TSPAN15: variants seen among roughly 807,000 people sequenced by gnomAD.
TSPAN15 encodes tetraspanin-15.
A neutral mutation model predicts 34.5 loss-of-function variants in TSPAN15; 20 were observed. That is an observed-to-expected ratio of 0.58 (90% CI 0.41 to 0.84). TSPAN15 has a LOEUF of 0.84. Ranked by LOEUF, TSPAN15 falls within the 40% of genes least tolerant of loss-of-function variation. The pLI is 0.00. For synonymous variants in TSPAN15, 155 were observed against 153.9 expected, an observed-to-expected ratio of 1.01 and a Z score of -0.05; for missense variants, 313 against 386.1, an observed-to-expected ratio of 0.81 and a Z score of 1.59.
At chr10:69,518,040 A>G in the TSPAN15 span, among the ~76,000 whole-genome samples, 1 of 152,240 alleles carries the variant, frequency 6.6e-6, no homozygotes, top group Non-Finnish European at 1.5e-5. Context: ...CCTCAGTTCT[A>G]CATTGCATTG....
chr10:69,491,506 G>C (rs960247446), intron 3 of TSPAN15, among the ~76,000 whole-genome samples: 3 of 149,934 alleles, frequency 2.0e-5, no homozygotes, highest in Non-Finnish European at 4.4e-5. Flanking sequence ...GGGACTACAG[G>C]TGCATGCCAC....
chr10:69,467,684 G>A (rs1328966362), intron 1 of TSPAN15, among the ~76,000 whole-genome samples: 1 of 148,760 alleles, frequency 6.7e-6, no homozygotes, highest in Non-Finnish European at 1.5e-5. Context: ...ACCTCTTCTT[G>A]GAAAACAGAA....
Position 69,507,117 on chromosome 10 carries a change from G to A in TSPAN15, c.*139G>A. On this transcript the variant is annotated 3_prime_UTR_variant, in exon 8 of 8. Coordinates refer to ENST00000373290, the MANE Select transcript of TSPAN15 (RefSeq NM_012339.5). ...AAGCCAGGGCTGTGTGTGCCTGTGT[G>A]TAGGTCCCACGGCCTCTGCCTCCCC... 6.8e-7 allele frequency: 1 copy of A among 1,472,994 alleles called. No homozygotes were observed. The highest frequency in any genetic ancestry group is 9.0e-7 in the Non-Finnish European group (1 of 1,115,888). 91.2% of individuals were successfully genotyped at this position (1,472,994 alleles called of 1,614,324 possible).
intron 3 of TSPAN15, among the ~76,000 whole-genome samples, chr10:69,486,501 CAGTCAT>C (rs3838767): frequency 0.073 from 11,077 of 152,206 alleles, 1,297 homozygotes; most frequent in African/African-American, 0.25. Context: ...AGCAGTGGTG[CAGTCAT>C]AGCTCACTGC....
intron 1 of TSPAN15, among the ~76,000 whole-genome samples, chr10:69,474,909 T>C (rs541903264): frequency 2.1e-4 from 32 of 152,244 alleles, no homozygotes; most frequent in Admixed American, 7.8e-4. Flanking sequence ...TGTCTTCTGC[T>C]CTGACTGACC....
chr10:69,492,933 C>G (rs766037030), intron 3 of TSPAN15, among the ~76,000 whole-genome samples: 2 of 152,168 alleles, frequency 1.3e-5, no homozygotes, highest in Non-Finnish European at 2.9e-5. Flanking sequence ...GGAAGCCACC[C>G]GGGAGGAACC....
chr10:69,528,294 A>G, the TSPAN15 span, among the ~76,000 whole-genome samples: 54 of 148,606 alleles, frequency 3.6e-4, 3 homozygotes, highest in African/African-American at 1.3e-3. Flanking sequence ...AAACTTGGAG[A>G]CGCCAGGCAC....
At position 69,507,392 on chromosome 10, in the gene TSPAN15, C is replaced by A. The variant is rs1169691288; in HGVS notation, c.*414C>A. ...CCCTCGGGGCAGGAGGGAAGGGCAT[C>A]TGGGGAAGGGCAGGAGGGAAGAGCT... On this transcript the variant is annotated 3_prime_UTR_variant, in exon 8 of 8. Coordinates refer to ENST00000373290, the MANE Select transcript of TSPAN15 (RefSeq NM_012339.5). 11 of 1,224,872 alleles carry A rather than the reference C, an allele frequency of 9.0e-6. No individual in the cohort carries two copies. Among genetic ancestry groups the A allele is most frequent in the Non-Finnish European group, 1.0e-5 (10 of 960,592 alleles). 75.9% of individuals were successfully genotyped at this position (1,224,872 alleles called of 1,614,324 possible).
intron 5 of TSPAN15, among the ~76,000 whole-genome samples, chr10:69,500,711 C>G (rs965474811): frequency 1.3e-5 from 2 of 152,214 alleles, no homozygotes; most frequent in African/African-American, 2.4e-5. Context: ...GCAGGGCCAT[C>G]TGCTTTACTT....
At chr10:69,498,465 T>C (rs747851570) in intron 5 of TSPAN15, 69 bp downstream of exon 5, 1 of 1,310,896 alleles carries the variant, frequency 7.6e-7, no homozygotes, top group Non-Finnish European at 1.1e-6. Flanking sequence ...TTCTCTTTTC[T>C]CTCTTCCCAA....
intron 1 of TSPAN15, among the ~76,000 whole-genome samples, chr10:69,465,069 C>G (rs1365059382): frequency 6.6e-6 from 1 of 152,222 alleles, no homozygotes; most frequent in Admixed American, 6.5e-5. Context: ...TCCCTGTCCC[C>G]TTGAGAAGCT....
chr10:69,536,638 T>C, the TSPAN15 span, among the ~76,000 whole-genome samples: 1 of 152,198 alleles, frequency 6.6e-6, no homozygotes, highest in Non-Finnish European at 1.5e-5. Flanking sequence ...ACCATCTTGC[T>C]GTGTCCTTTT....
intron 2 of TSPAN15, 44 bp from the exon 3 acceptor site, chr10:69,485,097 C>T: frequency 6.3e-7 from 1 of 1,580,572 alleles, no homozygotes; most frequent in Non-Finnish European, 8.7e-7. Flanking sequence ...CCCACACACG[C>T]CCACTGCTCC....
chr10:69,464,718 G>C (rs1392172861), intron 1 of TSPAN15, among the ~76,000 whole-genome samples: 1 of 152,184 alleles, frequency 6.6e-6, no homozygotes, highest in African/African-American at 2.4e-5. Flanking sequence ...TTGAGGGGCC[G>C]TAGAGGGCAT....
chr10:69,513,181 T>C, the TSPAN15 span, among the ~76,000 whole-genome samples: 1 of 152,224 alleles, frequency 6.6e-6, no homozygotes, highest in Non-Finnish European at 1.5e-5. Flanking sequence ...TTAATAATCA[T>C]GTTGAGTACT....
intron 1 of TSPAN15, among the ~76,000 whole-genome samples, chr10:69,461,287 G>A (rs1308638813): frequency 2.0e-5 from 3 of 152,226 alleles, no homozygotes; most frequent in Non-Finnish European, 4.4e-5. Flanking sequence ...CTGTGGGAAA[G>A]GTTACTGTTG....
Position 69,506,972 on chromosome 10 carries a change from C to G in TSPAN15, c.879C>G (p.Pro293=), listed in dbSNP as rs761025393. 5.0e-6 allele frequency: 8 copies of G among 1,608,290 alleles called. No homozygotes were observed. The South Asian group carries it at 9.0e-5, about 18-fold the overall frequency. ...GCACGGGATGCTGCTTGTGCTACCC[C>G]AATTAGGGCCCAGCCTGCCATGGCA... ...AAGTGCCLCY[P]N Residue 293 remains proline (P), a synonymous_variant, in exon 8 of 8, where the codon CCC becomes CCG. Transcript: ENST00000373290. This position sits in a 1 kb window ranked among gnomAD's most constrained non-coding sequence, Gnocchi z 4.7.
the TSPAN15 span, among the ~76,000 whole-genome samples, chr10:69,519,551 T>A: frequency 3.9e-5 from 6 of 152,224 alleles, no homozygotes; most frequent in Non-Finnish European, 7.3e-5. Context: ...CAAATGATAT[T>A]TGACTTTGTA....
the TSPAN15 span, among the ~76,000 whole-genome samples, chr10:69,519,696 T>C: frequency 6.6e-6 from 1 of 152,256 alleles, no homozygotes; most frequent in Admixed American, 6.5e-5. Flanking sequence ...ATTTTTTTTA[T>C]TGTGCTAAAT....
Sources: gnomAD v4.1 joint callset for allele counts (sites outside exome capture counted in the v4.1 genomes callset) on GRCh38, gnomAD v4.1.1 for gene constraint, Gnocchi (gnomAD v3.1) non-coding constraint, MANE v1.5 for transcripts, NCBI Gene and HGNC (gene_info 2026-07-23, HGNC 2026-07-21) for gene names.